The following TNKS variants were observed in gnomAD, a reference collection of about 807,000 sequenced individuals.
TNKS encodes poly [ADP-ribose] polymerase tankyrase-1.
In TNKS, 72 loss-of-function variants were observed where a neutral mutation model predicts 135.8. That is an observed-to-expected ratio of 0.53 (90% CI 0.44 to 0.64). The LOEUF is 0.64. Among genes scored for constraint, TNKS ranks in the 30% least tolerant of loss-of-function variants. The probability of loss-of-function intolerance (pLI) is 0.00; values close to 1 mark genes in which losing one functional copy is unlikely to be tolerated. For missense variants in TNKS, 1,769 were observed against 1,674.0 expected, an observed-to-expected ratio of 1.06 and a Z score of -0.99; for synonymous variants, 849 against 649.3, an observed-to-expected ratio of 1.31 and a Z score of -4.68.
chr8:9,668,757 A>C (rs1802124691), intron 3 of TNKS, among the ~76,000 whole-genome samples: 1 of 152,184 alleles, frequency 6.6e-6, no homozygotes, highest in African/African-American at 2.4e-5. Context: ...CATTCAGGAA[A>C]ATGCAAGGTG....
At chr8:9,653,217 T>C (rs1184742953) in intron 3 of TNKS, among the ~76,000 whole-genome samples, 1 of 152,176 alleles carries the variant, frequency 6.6e-6, no homozygotes, top group Non-Finnish European at 1.5e-5. Flanking sequence ...TACTGTTGTT[T>C]ATGCTGACAG....
rs60138689 is a variant in TNKS, at chr8:9,721,298, T to TTATATATATATATA, written c.1921+754_1921+767dup. On this transcript the variant is annotated intron_variant, in intron 12 of 26. Coordinates refer to ENST00000310430, the MANE Select transcript of TNKS (RefSeq NM_003747.3). ...TCTGTCTCAAAAATAAATAAATAAA[T>TTATATATATATATA]TATATATATATATAAAATTATAAAA... Among the ~76,000 whole-genome samples, 51 of 118,144 alleles carry TTATATATATATATA rather than the reference T, an allele frequency of 4.3e-4. 4 individuals carry two copies. The highest frequency in any genetic ancestry group is 3.4e-3 in the East Asian group (12 of 3,566). The allele number at this position is 118,144 out of a possible 152,430, so 77.5% of individuals were successfully genotyped here.
chr8:9,654,895 GGGT>G (rs1343915029), intron 3 of TNKS, among the ~76,000 whole-genome samples: 59 of 149,790 alleles, frequency 3.9e-4, no homozygotes, highest in East Asian at 1.5e-3. Context: ...GCCGGACAGT[GGGT>G]GCAGGACAGT....
chr8:9,621,212 C>G (rs778656729), intron 3 of TNKS, among the ~76,000 whole-genome samples: 16 of 152,126 alleles, frequency 1.1e-4, no homozygotes, highest in Non-Finnish European at 1.8e-4. Context: ...TCTCAGATGG[C>G]TCTTATGATT....
chr8:9,770,609 G>C (rs1807771745), intron 26 of TNKS, among the ~76,000 whole-genome samples: 1 of 152,172 alleles, frequency 6.6e-6, no homozygotes, highest in Non-Finnish European at 1.5e-5. Flanking sequence ...GGTCTTCATG[G>C]ATGTACATGC....
chr8:9,710,306 T>G (rs1368917087), intron 11 of TNKS, 86 bp downstream of exon 11: 21 of 1,266,118 alleles, frequency 1.7e-5, no homozygotes, highest in Non-Finnish European at 2.3e-5. Flanking sequence ...CCGATTTTTC[T>G]GAAGAAACTA....
chr8:9,722,448 G>C (rs1804935979), intron 12 of TNKS: 1 of 151,672 alleles, frequency 6.6e-6, no homozygotes, highest in Non-Finnish European at 1.5e-5. Context: ...GTGATCTTGA[G>C]ACGGGAAGAT....
At chr8:9,607,601 G>C (rs867463243) in intron 2 of TNKS, among the ~76,000 whole-genome samples, 37 of 152,134 alleles carry the variant, frequency 2.4e-4, no homozygotes, top group African/African-American at 7.5e-4. Flanking sequence ...GTATGATTTT[G>C]TAATGATTTC....
intron 3 of TNKS, among the ~76,000 whole-genome samples, chr8:9,654,800 T>C (rs1158556392): frequency 1.3e-5 from 2 of 152,178 alleles, no homozygotes; most frequent in African/African-American, 4.8e-5. Flanking sequence ...ACATCTCCAG[T>C]CTACAGCTCC....
intron 3 of TNKS, 75 bp downstream of exon 3, chr8:9,615,752 T>C (rs1799622366): frequency 1.6e-6 from 2 of 1,228,332 alleles, no homozygotes; most frequent in East Asian, 5.2e-5. Flanking sequence ...CTTGTTATGC[T>C]GAATTTTTCT....
intron 3 of TNKS, among the ~76,000 whole-genome samples, chr8:9,627,758 C>A (rs1476707003): frequency 6.6e-6 from 1 of 152,192 alleles, no homozygotes; most frequent in Non-Finnish European, 1.5e-5. Context: ...AAGAAAAATA[C>A]ATGTGTAATT....
In TNKS at chr8:9,604,565, T is replaced by A. The variant is rs948938948; in HGVS notation, c.899-11017T>A. On this transcript the variant is annotated intron_variant, in intron 2 of 26. Coordinates refer to ENST00000310430, the MANE Select transcript of TNKS (RefSeq NM_003747.3). ...CAGTGTAGTTTATGTACTATTAATT[T>A]CTTAACTTGCATGCTTTCTCTTGAG... is the stretch of plus-strand genomic sequence containing the variant. Among the ~76,000 whole-genome samples the A allele has an allele frequency of 3.3e-5, 5 of 152,070 alleles. No homozygotes were observed. In the South Asian group the frequency reaches 8.3e-4, roughly 25 times the overall value.
rs149540438 is a variant in TNKS, at chr8:9,702,940, C to T, written c.1108-1723C>T. 7.2e-3 allele frequency among the ~76,000 whole-genome samples: 1,083 copies of T among 150,186 alleles called. 2 individuals carry two copies. Among genetic ancestry groups the T allele is most frequent in the African/African-American group, 0.023 (962 of 41,000 alleles). On this transcript the variant is annotated intron_variant, in intron 5 of 26. Transcript: ENST00000310430. Reference sequence around the variant, plus strand: ...CTGAGACAGGAGAATCACTTGAACCCGGGAGGCGGAGGTGGCAGTGAGCCG... The same window carrying T: ...CTGAGACAGGAGAATCACTTGAACCTGGGAGGCGGAGGTGGCAGTGAGCCG...
intron 2 of TNKS, among the ~76,000 whole-genome samples, chr8:9,606,049 T>G (rs1799205107): frequency 6.6e-6 from 1 of 151,874 alleles, no homozygotes; most frequent in Non-Finnish European, 1.5e-5. Flanking sequence ...CATGTTTTCT[T>G]TAACAGATTT....
At chr8:9,660,116 G>T (rs559994689) in intron 3 of TNKS, among the ~76,000 whole-genome samples, 1 of 152,122 alleles carries the variant, frequency 6.6e-6, no homozygotes, top group African/African-American at 2.4e-5. Context: ...ACCAAAAAAA[G>T]TCCAGGACCA....
chr8:9,600,118 T>G (rs1798955211), intron 2 of TNKS, among the ~76,000 whole-genome samples: 1 of 152,102 alleles, frequency 6.6e-6, no homozygotes, highest in Non-Finnish European at 1.5e-5. Context: ...GGCAAGGAAA[T>G]GGAAGCTGAG....
chr8:9,687,983 C>G (rs1286090562), intron 5 of TNKS, among the ~76,000 whole-genome samples: 1 of 152,104 alleles, frequency 6.6e-6, no homozygotes, highest in African/African-American at 2.4e-5. Context: ...GGAAAAACAC[C>G]CATGTCACAG....
chr8:9,612,969 C>G (rs1799517176), intron 2 of TNKS, among the ~76,000 whole-genome samples: 1 of 152,016 alleles, frequency 6.6e-6, no homozygotes, highest in Non-Finnish European at 1.5e-5. Context: ...AAGTGGATCT[C>G]CATAAAGATC....
At chr8:9,727,643 A>T (rs1426731611) in intron 13 of TNKS, among the ~76,000 whole-genome samples, 1 of 152,234 alleles carries the variant, frequency 6.6e-6, no homozygotes, top group Non-Finnish European at 1.5e-5. Flanking sequence ...ACTTTTTACG[A>T]CATACTGTCA....
Sources: allele counts gnomAD v4.1 joint callset (sites outside exome capture counted in the v4.1 genomes callset), GRCh38; gene constraint gnomAD v4.1.1; transcripts MANE v1.5; gene names NCBI Gene and HGNC (gene_info 2026-07-23, HGNC 2026-07-21).